TEK: variants seen among roughly 807,000 people sequenced by gnomAD.
The protein encoded by TEK is TEK receptor tyrosine kinase.
A neutral mutation model predicts 131.8 loss-of-function variants in TEK; 43 were observed. The ratio of observed to expected loss-of-function variants is 0.33; its 90% CI spans 0.26 to 0.42. The LOEUF is 0.42. Among genes scored for constraint, TEK ranks in the 10% least tolerant of loss-of-function variants. The pLI is 1.00. For missense variants in TEK, 1,162 were observed against 1,384.4 expected (o/e 0.84, Z 2.55); for synonymous variants, 580 against 491.6 (o/e 1.18, Z -2.38).
Position 27,202,843 on chromosome 9 carries a change from A to G in TEK, c.1933A>G (p.Ile645Val). ...SDILPPQPEN[I>V]KISNITHSSA... ...AGTTCTTCCTCCTCAACCAGAAAAC[A>G]TCAAGATTTCCAACATTACACACTC... The change falls in exon 13 of 23, where the codon ATC (isoleucine) becomes GTC (valine). Residue 645 changes from isoleucine (I) to valine (V), a missense_variant. Physicochemically the swap from Ile to Val is conservative, Grantham distance 29. Transcript: ENST00000380036. 1 of 1,614,140 alleles carries G rather than the reference A, an allele frequency of 6.2e-7. No individual in the cohort carries two copies. The highest frequency in any genetic ancestry group is 1.1e-5 in the South Asian group (1 of 91,078).
At chr9:27,117,427 C>T (rs762881787) in intron 1 of TEK, among the ~76,000 whole-genome samples, 21 of 152,266 alleles carry the variant, frequency 1.4e-4, no homozygotes, top group South Asian at 8.3e-4. Flanking sequence ...TTCCTTAACT[C>T]GTGTTACACC....
intron 21 of TEK, 58 bp from the exon 22 acceptor site, chr9:27,228,148 C>G (rs1376739285): frequency 1.1e-5 from 15 of 1,410,418 alleles, no homozygotes; most frequent in Non-Finnish European, 5.0e-6. Context: ...CTTTTCCTGC[C>G]GTGCCTAGGA....
chr9:27,136,855 C>G (rs1391540360), intron 1 of TEK, among the ~76,000 whole-genome samples: 3 of 151,860 alleles, frequency 2.0e-5, no homozygotes, highest in Non-Finnish European at 1.5e-5. Context: ...GAATTATCAT[C>G]TTTCCAATGT....
At position 27,190,627 on chromosome 9, in the gene TEK, A is replaced by G. The variant is rs578107670; in HGVS notation, c.1426A>G (p.Ile476Val). The change falls in exon 10 of 23, where the codon ATC becomes GTC. Residue 476 changes from isoleucine to valine, a missense_variant. Physicochemically the swap from Ile to Val is conservative, Grantham distance 29. Coordinates refer to ENST00000380036, the MANE Select transcript of TEK (RefSeq NM_000459.5). Reference protein sequence around the residue: ...SSEPYFGDGPIKSKKLLYKPV... With the variant: ...SSEPYFGDGPVKSKKLLYKPV... ...TGAGCCTTACTTTGGGGATGGACCAATCAAATCCAAGAAGCTTCTATACAA... is the reference window on the plus strand; with the variant it reads ...TGAGCCTTACTTTGGGGATGGACCAGTCAAATCCAAGAAGCTTCTATACAA... 6 of 1,614,042 alleles carry G rather than the reference A, an allele frequency of 3.7e-6. No homozygotes were observed. Among genetic ancestry groups the G allele is most frequent in the South Asian group, 1.1e-5 (1 of 91,076 alleles).
In TEK at chr9:27,222,997, AACCAACAAAG is replaced by A. The variant is rs553611610; in HGVS notation, c.3200+2854_3200+2863del. On this transcript the variant is annotated intron_variant, in intron 21 of 22. Coordinates refer to ENST00000380036, the MANE Select transcript of TEK (RefSeq NM_000459.5). The stretch of plus-strand genomic sequence containing the variant: ...TCCTAGTCTCTGATAAAACAGACTA[AACCAACAAAG>A]ATCAAAGGAGACAAAGAAGGACATT... Among the ~76,000 whole-genome samples, 66 of 152,336 alleles carry A rather than the reference AACCAACAAAG, an allele frequency of 4.3e-4. 2 individuals are homozygous for A. In the South Asian group the frequency reaches 8.3e-3, roughly 19 times the overall value.
intron 1 of TEK, among the ~76,000 whole-genome samples, chr9:27,137,683 ATTT>A: frequency 6.6e-6 from 1 of 151,660 alleles, no homozygotes; most frequent in Non-Finnish European, 1.5e-5. Flanking sequence ...TCTTAACAAG[ATTT>A]ACTTCGTTTT....
intron 6 of TEK, among the ~76,000 whole-genome samples, chr9:27,173,739 T>TG (rs1824056423): frequency 1.1e-4 from 7 of 62,678 alleles, no homozygotes; most frequent in Admixed American, 6.3e-4. Flanking sequence ...TTTTTTTGGT[T>TG]TTTTTTTTTT....
Position 27,109,237 on chromosome 9 carries a change from A to G in TEK, c.-354A>G, listed in dbSNP as rs886063815. The stretch of plus-strand genomic sequence containing the variant: ...CCAACAAAAATTCCTCTGCCCCTAC[A>G]GCAGCAGCAAAAGCAGCAGCAGAAG... On this transcript the variant is annotated 5_prime_UTR_variant, in exon 1 of 23. Transcript: ENST00000380036. 12 of 532,452 alleles carry G rather than the reference A, an allele frequency of 2.3e-5. No homozygotes were observed. The highest frequency in any genetic ancestry group is 3.6e-5 in the Non-Finnish European group (11 of 306,240). The allele number at this position is 532,452 out of a possible 1,614,324, so 33.0% of individuals were successfully genotyped here.
At chr9:27,162,732 T>C (rs1365593669) in intron 2 of TEK, among the ~76,000 whole-genome samples, 1 of 152,172 alleles carries the variant, frequency 6.6e-6, no homozygotes, top group Non-Finnish European at 1.5e-5. Context: ...CTTTTTTTTT[T>C]TTAGACGGAG....
At chr9:27,212,102 G>T (rs1413582243) in intron 16 of TEK, among the ~76,000 whole-genome samples, 2 of 151,962 alleles carry the variant, frequency 1.3e-5, no homozygotes, top group African/African-American at 4.8e-5. Context: ...GAGTTTTCTG[G>T]TATCTTGAAG....
At chr9:27,112,198 C>G (rs574336717) in intron 1 of TEK, among the ~76,000 whole-genome samples, 37 of 152,288 alleles carry the variant, frequency 2.4e-4, no homozygotes, top group African/African-American at 8.4e-4. Flanking sequence ...CACGCCCGCC[C>G]TTGTCACTTG....
intron 7 of TEK, among the ~76,000 whole-genome samples, chr9:27,180,685 G>A (rs1824333852): frequency 6.6e-6 from 1 of 152,154 alleles, no homozygotes; most frequent in African/African-American, 2.4e-5. Flanking sequence ...CCCTGGACAT[G>A]CGTAACAGAG....
In TEK at chr9:27,220,124, C is replaced by T; in HGVS notation, c.3179C>T (p.Pro1060Leu). ...CCCCAGGGCTACAGACTGGAGAAGC[C>T]CCTGAACTGTGATGATGAGGTGTAA... The part of the protein sequence containing the change: ...KLPQGYRLEK[P>L]LNCDDEVYDL... Residue 1060 changes from proline to leucine, a missense_variant, in exon 21 of 23, where the codon CCC (proline) becomes CTC (leucine). By Grantham distance (98) the Pro-to-Leu change is moderately conservative (BLOSUM62 -3). Coordinates refer to ENST00000380036, the MANE Select transcript of TEK (RefSeq NM_000459.5). 6.2e-7 allele frequency: 1 copy of T among 1,613,826 alleles called. No homozygotes were observed. The highest frequency in any genetic ancestry group is 8.5e-7 in the Non-Finnish European group (1 of 1,179,934).
At chr9:27,128,009 T>C (rs531855790) in intron 1 of TEK, among the ~76,000 whole-genome samples, 1 of 152,332 alleles carries the variant, frequency 6.6e-6, no homozygotes, top group African/African-American at 2.4e-5. Flanking sequence ...TTTTGGCTTC[T>C]GTTGCGATTG....
At chr9:27,172,860 G>A in intron 5 of TEK, 113 bp downstream of exon 5, 3 of 1,407,148 alleles carry the variant, frequency 2.1e-6, no homozygotes, top group Non-Finnish European at 3.0e-6. Context: ...CCTCTGTTAG[G>A]TCAGATGGTA....
rs377605636 is a variant in TEK at position 27,129,571 on chromosome 9, G to A, written c.52+19929G>A. Among the ~76,000 whole-genome samples the A allele has an allele frequency of 1.2e-4, 18 of 152,256 alleles. No homozygotes were observed. The East Asian group carries it at 2.7e-3, about 23-fold the overall frequency. On this transcript the variant is annotated intron_variant, in intron 1 of 22. Coordinates refer to ENST00000380036, the MANE Select transcript of TEK (RefSeq NM_000459.5). The stretch of plus-strand genomic sequence containing the variant: ...GAAATCTTAGCAGGAGCTCTGTATT[G>A]TTACTCAAGCATGGCTTTCAGTTTT...
chr9:27,165,613 A>G (rs1438037600), intron 2 of TEK, among the ~76,000 whole-genome samples: 1 of 152,210 alleles, frequency 6.6e-6, no homozygotes, highest in Admixed American at 6.5e-5. Flanking sequence ...AGCCTACATC[A>G]CTTAATATTA....
At chr9:27,191,901 A>G (rs1474584275) in intron 10 of TEK, 2 of 453,186 alleles carry the variant, frequency 4.4e-6, no homozygotes, top group African/African-American at 2.0e-5. Context: ...AATTTATCAT[A>G]TGATAAGGCA....
intron 1 of TEK, among the ~76,000 whole-genome samples, chr9:27,130,667 C>T (rs1453060425): frequency 7.1e-6 from 1 of 140,306 alleles, no homozygotes; most frequent in Non-Finnish European, 1.5e-5. Flanking sequence ...ACCTCCGCTT[C>T]CTGGGTTCAA....
Sources: gnomAD v4.1 joint callset for allele counts (sites outside exome capture counted in the v4.1 genomes callset) on GRCh38, gnomAD v4.1.1 for gene constraint, MANE v1.5 for transcripts, NCBI Gene and HGNC (gene_info 2026-07-23, HGNC 2026-07-21) for gene names.